Variants in MCFD2 observed in about 807,000 individuals in gnomAD.
MCFD2 encodes the protein multiple coagulation factor deficiency protein 2.
In MCFD2, 11 loss-of-function variants were observed where a neutral mutation model predicts 12.8. The ratio of observed to expected loss-of-function variants is 0.86; its 90% CI spans 0.54 to 1.42. The LOEUF is 1.42. MCFD2 is among the 40% of genes most tolerant of loss of function. The pLI, the probability that MCFD2 is intolerant of heterozygous loss-of-function variation, is 0.00. For missense variants in MCFD2, 191 were observed against 178.6 expected, an observed-to-expected ratio of 1.07 and a Z score of -0.40; for synonymous variants, 70 against 68.1, an observed-to-expected ratio of 1.03 and a Z score of -0.14.
intron 1 of MCFD2, among the ~76,000 whole-genome samples, chr2:46,924,802 AT>A (rs1669300499): frequency 6.6e-6 from 1 of 152,008 alleles, no homozygotes; most frequent in African/African-American, 2.4e-5. Flanking sequence ...TAATTTTTGT[AT>A]TTTTTGTAGA....
At chr2:46,912,616 A>G (rs1168225174) in intron 1 of MCFD2, 2 of 152,200 alleles carry the variant, frequency 1.3e-5, no homozygotes, top group Non-Finnish European at 2.9e-5. Flanking sequence ...GCAGGCTCCC[A>G]AGTGCTTCCC....
intron 1 of MCFD2, among the ~76,000 whole-genome samples, chr2:46,925,282 G>T (rs1269003032): frequency 6.6e-6 from 1 of 152,168 alleles, no homozygotes; most frequent in Non-Finnish European, 1.5e-5. Flanking sequence ...GTTGAGCTGG[G>T]TGCAGTGGCT....
intron 1 of MCFD2, among the ~76,000 whole-genome samples, chr2:46,925,690 A>C (rs1170420655): frequency 1.3e-5 from 2 of 152,146 alleles, no homozygotes; most frequent in African/African-American, 4.8e-5. Flanking sequence ...CACCTCCCCC[A>C]AAAAAACCCA....
Position 46,909,195 on chromosome 2 carries a change from C to G in MCFD2, c.-6-18G>C. Reference sequence around the variant, plus strand: ...ATCAATATCTGTGAGATGGGAAACACAGAAGAGGAAGGCAGAGCATCAGAG... The same window carrying G: ...ATCAATATCTGTGAGATGGGAAACAGAGAAGAGGAAGGCAGAGCATCAGAG... On this transcript the variant is annotated intron_variant, in intron 1 of 3. Transcript: ENST00000319466. 6.2e-7 allele frequency: 1 copy of G among 1,610,092 alleles called. No homozygotes were observed.
At chr2:46,932,062 G>A (rs999238675) in intron 1 of MCFD2, among the ~76,000 whole-genome samples, 2 of 151,714 alleles carry the variant, frequency 1.3e-5, no homozygotes, top group African/African-American at 2.4e-5. Context: ...CAATCATAAT[G>A]TTTTTAAAAA....
Position 46,909,184 on chromosome 2 carries a change from G to T in MCFD2, c.-6-7C>A. 6.2e-7 allele frequency: 1 copy of T among 1,612,440 alleles called. No homozygotes were observed. The highest frequency in any genetic ancestry group is 1.1e-5 in the South Asian group (1 of 90,908). Reference sequence around the variant, plus strand: ...ATCTCATGGTCATCAATATCTGTGAGATGGGAAACACAGAAGAGGAAGGCA... The same window carrying T: ...ATCTCATGGTCATCAATATCTGTGATATGGGAAACACAGAAGAGGAAGGCA... On this transcript the variant is annotated splice_polypyrimidine_tract_variant and splice_region_variant and intron_variant, in intron 1 of 3. Transcript: ENST00000319466.
chr2:46,940,376 G>A lies in MCFD2; in HGVS notation c.-8+1196C>T, dbSNP rs954548082. 8.1e-4 allele frequency among the ~76,000 whole-genome samples: 123 copies of A among 152,108 alleles called. 1 individual carries two copies. The highest frequency in any genetic ancestry group is 3.0e-3 in the African/African-American group (123 of 41,488). On this transcript the variant is annotated intron_variant, in intron 1 of 2. Coordinates refer to the MCFD2 transcript ENST00000409147. The surrounding 1 kb of genome is among the most constrained non-coding windows in gnomAD (Gnocchi z 4.7). Reference sequence around the variant, plus strand: ...GTCTTGCTGTGGCTTCTCCAGCACTGGTCTGTGAGCTGCGGCGGCAGCGGG... The same window carrying A: ...GTCTTGCTGTGGCTTCTCCAGCACTAGTCTGTGAGCTGCGGCGGCAGCGGG...
At position 46,902,781 on chromosome 2, in the gene MCFD2, C is replaced by T. The variant is rs888654276; in HGVS notation, c.*2682G>A. 2.0e-5 allele frequency: 3 copies of T among 152,206 alleles called. No individual in the cohort carries two copies. Among genetic ancestry groups the T allele is most frequent in the East Asian group, 1.9e-4 (1 of 5,200 alleles). 9.4% of individuals were successfully genotyped at this position (152,206 alleles called of 1,614,324 possible). A position where few individuals can be genotyped will look rare whatever the true frequency, so the allele number is the denominator to read the frequency against. On this transcript the variant is annotated 3_prime_UTR_variant, in exon 4 of 4. Transcript: ENST00000319466. ...CAAGTAATCATTTAGGCCAGGGGAA[C>T]TTTACAGAATACTGACCATGTTTGC...
In MCFD2 at chr2:46,907,068, A is replaced by G. The variant is rs1668270820; in HGVS notation, c.309+742T>C. The stretch of plus-strand genomic sequence containing the variant: ...AAAGATCCAACGAGATCTCTAACCT[A>G]CTTGAAAGGGCTTCAGAAACTTTGG... On this transcript the variant is annotated intron_variant, in intron 3 of 3. Transcript: ENST00000319466. The surrounding 1 kb of genome is among the most constrained non-coding windows in gnomAD (Gnocchi z 4.1). 1 of 152,878 alleles carries G rather than the reference A, an allele frequency of 6.5e-6. No individual in the cohort carries two copies. Among genetic ancestry groups the G allele is most frequent in the Non-Finnish European group, 1.5e-5 (1 of 68,574 alleles). The allele number at this position is 152,878 out of a possible 1,614,324, so 9.5% of individuals were successfully genotyped here. A position where few individuals can be genotyped will look rare whatever the true frequency, so the allele number is the denominator to read the frequency against.
chr2:46,912,904 C>A lies in MCFD2; in HGVS notation c.-7+2819G>T, dbSNP rs115307082. On this transcript the variant is annotated intron_variant, in intron 1 of 3. Coordinates refer to ENST00000319466, the MANE Select transcript of MCFD2 (RefSeq NM_139279.6). ...GATATGCTGCCAATTTTTAATGTCA[C>A]TGTAACTGAAGATGAAACTTTTCTT... 8.8e-3 allele frequency among the ~76,000 whole-genome samples: 1,336 copies of A among 152,230 alleles called. 23 individuals carry two copies. Among genetic ancestry groups the A allele is most frequent in the African/African-American group, 0.03 (1,228 of 41,494 alleles).
intron 1 of MCFD2, among the ~76,000 whole-genome samples, chr2:46,923,654 G>T (rs1471789201): frequency 6.6e-6 from 1 of 152,124 alleles, no homozygotes; most frequent in Non-Finnish European, 1.5e-5. Flanking sequence ...CATCTTGGGA[G>T]GCCGAGACAG....
chr2:46,909,382 T>A (rs1268012132), intron 1 of MCFD2, among the ~76,000 whole-genome samples: 1 of 152,116 alleles, frequency 6.6e-6, no homozygotes. Flanking sequence ...AGGGGAAGGC[T>A]CACGAGGTTT....
intron 1 of MCFD2, among the ~76,000 whole-genome samples, chr2:46,936,768 T>G (rs1359342103): frequency 6.6e-6 from 1 of 152,218 alleles, no homozygotes; most frequent in Non-Finnish European, 1.5e-5. Context: ...GTATTCACTT[T>G]AGAATGCAAA....
At chr2:46,927,209 G>A (rs1270562754) in intron 1 of MCFD2, among the ~76,000 whole-genome samples, 2 of 151,554 alleles carry the variant, frequency 1.3e-5, no homozygotes, top group Non-Finnish European at 2.9e-5. Flanking sequence ...AAATTTTCCA[G>A]AACCAATGAA....
chr2:46,907,637 T>G lies in MCFD2; in HGVS notation c.309+173A>C. On this transcript the variant is annotated intron_variant, in intron 3 of 3. Transcript: ENST00000319466. The surrounding 1 kb of genome is among the most constrained non-coding windows in gnomAD (Gnocchi z 4.1). ...GGTCTTGAACTCCTGGCTCAAGTGA[T>G]CCTTCCACTTTGGCCTCCCAAAGTG... The G allele has an allele frequency of 1.4e-6, 1 of 692,260 alleles. No homozygotes were observed. The highest frequency in any genetic ancestry group is 2.6e-6 in the Non-Finnish European group (1 of 390,506). The allele number at this position is 692,260 out of a possible 1,614,324, so 42.9% of individuals were successfully genotyped here. A position where few individuals can be genotyped will look rare whatever the true frequency, so the allele number is the denominator to read the frequency against.
chr2:46,909,764 A>T (rs1254773502), intron 1 of MCFD2, among the ~76,000 whole-genome samples: 1 of 152,196 alleles, frequency 6.6e-6, no homozygotes, highest in Admixed American at 6.5e-5. Context: ...GGTAGGAAGC[A>T]GACAGGACAG....
At chr2:46,924,185 C>T (rs1165332342) in intron 1 of MCFD2, among the ~76,000 whole-genome samples, 1 of 143,468 alleles carries the variant, frequency 7.0e-6, no homozygotes, top group African/African-American at 2.6e-5. Context: ...GTCTGGGTGA[C>T]AGAATGAGAT....
chr2:46,911,685 G>A (rs1448279373), intron 1 of MCFD2, among the ~76,000 whole-genome samples: 3 of 151,932 alleles, frequency 2.0e-5, no homozygotes, highest in African/African-American at 7.2e-5. Context: ...ACTTTGGGAG[G>A]CCGAGGCGGG....
intron 1 of MCFD2, among the ~76,000 whole-genome samples, chr2:46,922,899 AC>A (rs1044515673): frequency 1.3e-5 from 2 of 152,100 alleles, no homozygotes; most frequent in African/African-American, 4.8e-5. Flanking sequence ...TCTCTTTCCC[AC>A]CAGTCGCAAG....
Sources: allele counts gnomAD v4.1 joint callset (sites outside exome capture counted in the v4.1 genomes callset), GRCh38; gene constraint gnomAD v4.1.1; non-coding constraint Gnocchi (gnomAD v3.1); transcripts MANE v1.5; gene names NCBI Gene and HGNC (gene_info 2026-07-23, HGNC 2026-07-21).